The following RNF135 variants were observed in gnomAD, a reference collection of about 807,000 sequenced individuals.
The protein encoded by RNF135 is E3 ubiquitin-protein ligase RNF135.
A neutral mutation model predicts 41.9 loss-of-function variants in RNF135; 46 were observed. The ratio of observed to expected loss-of-function variants is 1.10; its 90% confidence interval spans 0.87 to 1.40. RNF135 has a LOEUF of 1.40. Ranked by LOEUF, RNF135 falls within the 40% of genes most tolerant of loss-of-function variation. The probability of loss-of-function intolerance (pLI) is 0.00; values close to 1 mark genes in which losing one functional copy is unlikely to be tolerated. For synonymous variants in RNF135, 238 were observed against 223.8 expected (o/e 1.06, Z -0.57); for missense variants, 539 against 549.8 (o/e 0.98, Z 0.20).
chr17:30,984,928 G>A (rs906141560), intron 2 of RNF135, among the ~76,000 whole-genome samples, 168 bp downstream of exon 2: 2 of 152,184 alleles, frequency 1.3e-5, no homozygotes, highest in African/African-American at 4.8e-5. Context: ...AATGCTTGAG[G>A]TAAGGTTGGG....
In RNF135 at chr17:30,987,966, T is replaced by C. The variant is rs769620172; in HGVS notation, c.539T>C (p.Leu180Pro). 3 of 1,614,188 alleles carry C rather than the reference T, an allele frequency of 1.9e-6. No homozygotes were observed. Among genetic ancestry groups the C allele is most frequent in the Non-Finnish European group, 2.5e-6 (3 of 1,180,026 alleles). The change falls in exon 3 of 5, where the codon CTT becomes CCT. Residue 180 changes from leucine (L) to proline (P), a missense_variant. Physicochemically the swap from Leu to Pro is moderately conservative, Grantham distance 98. Transcript: ENST00000328381. ...TAGGCTTTTTCTTCTGGGGTGGATCTTTCCATGGCTTCTCCAAAGCTGGTG... is the reference window on the plus strand; with the variant it reads ...TAGGCTTTTTCTTCTGGGGTGGATCCTTCCATGGCTTCTCCAAAGCTGGTG... ...LGKAFSSGVDLSMASPKLVTS... is the reference protein window; with the variant it reads ...LGKAFSSGVDPSMASPKLVTS...
At chr17:30,979,488 G>A (rs1906805722) in intron 1 of RNF135, among the ~76,000 whole-genome samples, 1 of 119,438 alleles carries the variant, frequency 8.4e-6, no homozygotes, top group Non-Finnish European at 1.8e-5. Flanking sequence ...GCCGGAAGGG[G>A]GGCTGACCCC....
intron 3 of RNF135, 52 bp downstream of exon 3, chr17:30,988,158 G>A (rs957031808): frequency 1.3e-6 from 2 of 1,542,570 alleles, no homozygotes; most frequent in Non-Finnish European, 1.8e-6. Context: ...GTTGGGGGGA[G>A]TAGCAGAGTG....
rs763692341 is a variant in RNF135 at position 30,998,786 on chromosome 17, T to C, written c.894T>C (p.Ser298=). Reference sequence around the variant, plus strand: ...ATCGCTGGAGCTGTGAGAGGTTTTCTACCAGCCAGGTCTTATGTTCCCAGG... The same window carrying C: ...ATCGCTGGAGCTGTGAGAGGTTTTCCACCAGCCAGGTCTTATGTTCCCAGG... ...QPYRWSCERF[S]TSQVLCSQAL... is the part of the protein sequence containing the mutation. The change falls in exon 5 of 5, where the codon TCT becomes TCC. Residue 298 remains serine (S), a synonymous_variant. Transcript: ENST00000328381. The C allele has an allele frequency of 6.2e-7, 1 of 1,613,308 alleles. No individual in the cohort carries two copies. Among genetic ancestry groups the C allele is most frequent in the Non-Finnish European group, 8.5e-7 (1 of 1,179,766 alleles).
intron 3 of RNF135, 43 bp downstream of exon 3, chr17:30,988,149 T>C: frequency 3.1e-6 from 5 of 1,589,824 alleles, no homozygotes; most frequent in Non-Finnish European, 4.3e-6. Flanking sequence ...AATATGGAAG[T>C]TGGGGGGAGT....
At chr17:30,988,229 G>T (rs1007310591) in intron 3 of RNF135, 123 bp downstream of exon 3, 5 of 961,358 alleles carry the variant, frequency 5.2e-6, no homozygotes, top group Middle Eastern at 2.3e-4. Flanking sequence ...CCACTGTGGT[G>T]TCGTGAATCA....
At chr17:30,960,730 A>ATTTAT in the RNF135 span, among the ~76,000 whole-genome samples, 2 of 135,332 alleles carry the variant, frequency 1.5e-5, no homozygotes, top group Non-Finnish European at 3.0e-5. Flanking sequence ...ATTTTATTTT[A>ATTTAT]TTTATTTTAT....
the RNF135 span, among the ~76,000 whole-genome samples, chr17:30,962,997 C>G: frequency 2.0e-5 from 3 of 151,304 alleles, no homozygotes; most frequent in African/African-American, 7.3e-5. Flanking sequence ...GGTTCTAATA[C>G]GCATTTCCCT....
chr17:30,963,859 T>C, the RNF135 span, among the ~76,000 whole-genome samples: 1 of 152,186 alleles, frequency 6.6e-6, no homozygotes, highest in Non-Finnish European at 1.5e-5. Flanking sequence ...CTCATGTCTA[T>C]AATCCCAGCA....
intron 3 of RNF135, among the ~76,000 whole-genome samples, chr17:30,994,808 T>A (rs998241096): frequency 4.0e-5 from 6 of 151,206 alleles, no homozygotes; most frequent in Admixed American, 2.6e-4. Flanking sequence ...TAATTTTTTT[T>A]ATATTTTTAG....
At chr17:30,977,018 C>T (rs1264099358) in intron 1 of RNF135, among the ~76,000 whole-genome samples, 1 of 152,068 alleles carries the variant, frequency 6.6e-6, no homozygotes, top group Non-Finnish European at 1.5e-5. Context: ...TTCCTTCTTT[C>T]CTTCTTTTCT....
In RNF135 at chr17:30,984,655, G is replaced by C. The variant is rs1907455174; in HGVS notation, c.411G>C (p.Glu137Asp). The stretch of plus-strand genomic sequence containing the variant: ...AGAGCATCACAGAAGTTGCTCAGGA[G>C]CTGACAGAGCTGGTGGAACATCTTG... ...VEKSITEVAQ[E>D]LTELVEHLVD... The change falls in exon 2 of 5, where the codon GAG (glutamate) becomes GAC (aspartate). Residue 137 changes from glutamate to aspartate, a missense_variant. Glu to Asp is a conservative substitution (Grantham distance 45). This residue lies in a region of RNF135 where 277 missense variants were observed against 212.8 expected (regional missense o/e 1.30). Coordinates refer to ENST00000328381, the MANE Select transcript of RNF135 (RefSeq NM_032322.4). The C allele has an allele frequency of 1.9e-6, 3 of 1,614,032 alleles. No individual in the cohort carries two copies. The highest frequency in any genetic ancestry group is 3.3e-5 in the Admixed American group (2 of 59,992).
chr17:30,996,618 G>A (rs1908366525), intron 3 of RNF135, among the ~76,000 whole-genome samples: 1 of 152,150 alleles, frequency 6.6e-6, no homozygotes, highest in South Asian at 2.1e-4. Flanking sequence ...CACTGCAGCT[G>A]CTGTCACTTC....
At chr17:30,983,349 ATATATT>A (rs1208265480) in intron 1 of RNF135, among the ~76,000 whole-genome samples, 162 of 38,614 alleles carry the variant, frequency 4.2e-3, no homozygotes, top group African/African-American at 0.013. Context: ...ATATATATAT[ATATATT>A]TTTTTTTTTT....
chr17:30,978,426 T>A (rs1906651076), intron 1 of RNF135, among the ~76,000 whole-genome samples: 1 of 152,126 alleles, frequency 6.6e-6, no homozygotes, highest in Non-Finnish European at 1.5e-5. Flanking sequence ...TTCTCTTTTT[T>A]CTTTTGTCTC....
intron 2 of RNF135, among the ~76,000 whole-genome samples, chr17:30,986,365 T>A (rs9893389): frequency 0.022 from 3,367 of 152,122 alleles, 136 homozygotes; most frequent in African/African-American, 0.077. Flanking sequence ...CCTGGCTAAT[T>A]TTTGTATTTT....
At chr17:30,997,577 G>A (rs1450036388) in intron 4 of RNF135, 1 of 580,152 alleles carries the variant, frequency 1.7e-6, no homozygotes, top group Non-Finnish European at 3.4e-6. Context: ...ACAGCCAACT[G>A]CCTGTTCCCA....
chr17:30,976,734 A>C (rs780819049), intron 1 of RNF135, among the ~76,000 whole-genome samples: 1 of 152,112 alleles, frequency 6.6e-6, no homozygotes, highest in Non-Finnish European at 1.5e-5. Flanking sequence ...TTTGAAATCT[A>C]TTTGTCTGAT....
chr17:30,997,110 C>T (rs998896472), intron 3 of RNF135, 132 bp from the exon 4 acceptor site: 1 of 721,284 alleles, frequency 1.4e-6, no homozygotes, highest in Admixed American at 2.0e-5. Context: ...CTGCCTGATC[C>T]AGTCCTGACA....
Sources: gnomAD v4.1 joint callset for allele counts (sites outside exome capture counted in the v4.1 genomes callset) on GRCh38, gnomAD v4.1.1 for gene constraint, gnomAD v4.1.1 regional missense constraint, MANE v1.5 for transcripts, NCBI Gene and HGNC (gene_info 2026-07-23, HGNC 2026-07-21) for gene names.